Variants in LMCD1 observed in about 807,000 individuals in gnomAD.
LMCD1 encodes LIM and cysteine rich domains 1, also known as LIM and cysteine-rich domains protein 1.
A neutral mutation model predicts 42.7 loss-of-function variants in LMCD1; 32 were observed. The observed-to-expected ratio is 0.75, with a 90% CI of 0.57 to 1.01. LMCD1 has a LOEUF of 1.01. LMCD1 is among the 50% of genes least tolerant of loss of function. The pLI is 0.00. For missense variants in LMCD1, 458 were observed against 483.1 expected (o/e 0.95, Z 0.49); for synonymous variants, 178 against 184.9 (o/e 0.96, Z 0.30).
At chr3:8,542,654 T>C (rs917571943) in intron 3 of LMCD1, among the ~76,000 whole-genome samples, 17 of 152,316 alleles carry the variant, frequency 1.1e-4, no homozygotes, top group African/African-American at 3.6e-4. Context: ...CCTCCAGAGA[T>C]TGGGGAATAT....
intron 1 of LMCD1, among the ~76,000 whole-genome samples, chr3:8,519,141 G>A (rs1694153668): frequency 6.6e-6 from 1 of 152,192 alleles, no homozygotes; most frequent in South Asian, 2.1e-4. Context: ...GGAGCTTACA[G>A]TCTAGCAGGA....
rs1212418275 is a variant in LMCD1 at position 8,572,129 on chromosome 3, G to A, written c.*4531G>A. On this transcript the variant is annotated 3_prime_UTR_variant, in exon 6 of 6. Coordinates refer to ENST00000157600, the MANE Select transcript of LMCD1 (RefSeq NM_014583.4). ...TCTTTGTTCTTTCCTGAATGTTCAT[G>A]ACCTTGACATCTTAGAAGATTAAAG... The A allele has an allele frequency of 6.6e-6, 1 of 152,206 alleles. No individual in the cohort carries two copies. The highest frequency in any genetic ancestry group is 1.9e-4 in the East Asian group (1 of 5,202). The allele number at this position is 152,206 out of a possible 1,614,324, so 9.4% of individuals were successfully genotyped here. A position where few individuals can be genotyped will look rare whatever the true frequency, so the allele number is the denominator to read the frequency against.
rs907348921 is a variant in LMCD1 at position 8,573,760 on chromosome 3, T to C, written c.*6162T>C. The C allele has an allele frequency of 6.6e-6, 1 of 152,176 alleles. No homozygotes were observed. The highest frequency in any genetic ancestry group is 2.4e-5 in the African/African-American group (1 of 41,438). The allele number at this position is 152,176 out of a possible 1,614,324, so 9.4% of individuals were successfully genotyped here. A position where few individuals can be genotyped will look rare whatever the true frequency, so the allele number is the denominator to read the frequency against. On this transcript the variant is annotated 3_prime_UTR_variant, in exon 6 of 6. Transcript: ENST00000157600. ...CATAAAGTGTTCCTTTGTTCTGACG[T>C]TGGTATAACATTGCTTCTTGAAAAA...
At chr3:8,528,856 G>C (rs1356057894) in intron 1 of LMCD1, among the ~76,000 whole-genome samples, 3 of 152,116 alleles carry the variant, frequency 2.0e-5, no homozygotes, top group African/African-American at 7.2e-5. Context: ...GCATCCCCAG[G>C]GGTCTCCTGG....
intron 4 of LMCD1, among the ~76,000 whole-genome samples, chr3:8,562,647 G>T (rs1345998558): frequency 6.6e-6 from 1 of 152,150 alleles, no homozygotes; most frequent in Non-Finnish European, 1.5e-5. Context: ...CCTCAGAGAG[G>T]CCTCTCCTGC....
chr3:8,540,786 G>A (rs13323921), intron 3 of LMCD1, among the ~76,000 whole-genome samples: 53,657 of 152,044 alleles, frequency 0.35, 10,268 homozygotes, highest in Non-Finnish European at 0.45. Flanking sequence ...ACACCTCACC[G>A]CGCCCTATGT....
chr3:8,527,729 A>C (rs1694326693), intron 1 of LMCD1, among the ~76,000 whole-genome samples: 1 of 152,246 alleles, frequency 6.6e-6, no homozygotes, highest in Non-Finnish European at 1.5e-5. Context: ...CTCAGAAAGG[A>C]AACCTGTGAG....
At chr3:8,541,671 C>T (rs746097367) in intron 3 of LMCD1, among the ~76,000 whole-genome samples, 3 of 152,196 alleles carry the variant, frequency 2.0e-5, no homozygotes, top group Non-Finnish European at 4.4e-5. Context: ...GCTCCTATGA[C>T]GTAGTCAGGT....
At chr3:8,529,946 A>G (rs529945035) in intron 1 of LMCD1, among the ~76,000 whole-genome samples, 2 of 152,326 alleles carry the variant, frequency 1.3e-5, no homozygotes, top group East Asian at 3.9e-4. Flanking sequence ...GGCAAGTTGC[A>G]TTCTTGTTAT....
chr3:8,572,903 T>C lies in LMCD1; in HGVS notation c.*5305T>C, dbSNP rs903279941. 1 of 152,178 alleles carries C rather than the reference T, an allele frequency of 6.6e-6. No homozygotes were observed. The highest frequency in any genetic ancestry group is 2.4e-5 in the African/African-American group (1 of 41,440). 9.4% of individuals were successfully genotyped at this position (152,178 alleles called of 1,614,324 possible). On this transcript the variant is annotated 3_prime_UTR_variant, in exon 6 of 6. Coordinates refer to ENST00000157600, the MANE Select transcript of LMCD1 (RefSeq NM_014583.4). Reference sequence around the variant, plus strand: ...TTCCTTCTTAATCTGGCTGTTGTTGTGTTGGAACTCCTGGTACCATCTTAG... The same window carrying C: ...TTCCTTCTTAATCTGGCTGTTGTTGCGTTGGAACTCCTGGTACCATCTTAG...
chr3:8,534,121 C>T (rs1326852386), intron 2 of LMCD1, among the ~76,000 whole-genome samples: 1 of 151,878 alleles, frequency 6.6e-6, no homozygotes, highest in Non-Finnish European at 1.5e-5. Flanking sequence ...CTCAGGACAG[C>T]GTTGATTCCT....
At position 8,568,553 on chromosome 3, in the gene LMCD1, CA is replaced by C. The variant is rs993469155; in HGVS notation, c.*958del. The C allele has an allele frequency of 6.6e-6, 1 of 152,152 alleles. No homozygotes were observed. The highest frequency in any genetic ancestry group is 2.4e-5 in the African/African-American group (1 of 41,442). 9.4% of individuals were successfully genotyped at this position (152,152 alleles called of 1,614,324 possible). A position where few individuals can be genotyped will look rare whatever the true frequency, so the allele number is the denominator to read the frequency against. On this transcript the variant is annotated 3_prime_UTR_variant, in exon 6 of 6. Coordinates refer to ENST00000157600, the MANE Select transcript of LMCD1 (RefSeq NM_014583.4). ...GATCTTTAAAAATACAGCACTTTTTCAAATGCCAAAACAATCAGAAACAAAA... is the reference window on the plus strand; with the variant it reads ...GATCTTTAAAAATACAGCACTTTTTCAATGCCAAAACAATCAGAAACAAAA...
intron 4 of LMCD1, among the ~76,000 whole-genome samples, chr3:8,549,487 G>A (rs1449012363): frequency 6.6e-6 from 1 of 152,084 alleles, no homozygotes; most frequent in African/African-American, 2.4e-5. Flanking sequence ...TGTATTAGCT[G>A]CACTGCCCCA....
At chr3:8,553,377 A>G (rs3774216) in intron 4 of LMCD1, among the ~76,000 whole-genome samples, 5 of 152,042 alleles carry the variant, frequency 3.3e-5, no homozygotes, top group Admixed American at 2.6e-4. Flanking sequence ...CATTGGAAAA[A>G]AATGTCCACA....
chr3:8,508,932 G>A (rs1321842922), intron 1 of LMCD1, among the ~76,000 whole-genome samples: 1 of 152,148 alleles, frequency 6.6e-6, no homozygotes, highest in Non-Finnish European at 1.5e-5. Context: ...TCGAGGAGCC[G>A]TTAAACACAC....
rs1172199746 is a variant in LMCD1, at chr3:8,574,350, G to GA, written c.*6754dup. 2 of 152,312 alleles carry GA rather than the reference G, an allele frequency of 1.3e-5. No homozygotes were observed. Among genetic ancestry groups the GA allele is most frequent in the East Asian group, 3.9e-4 (2 of 5,190 alleles). The allele number at this position is 152,312 out of a possible 1,614,324, so 9.4% of individuals were successfully genotyped here. On this transcript the variant is annotated 3_prime_UTR_variant, in exon 6 of 6. Coordinates refer to ENST00000157600, the MANE Select transcript of LMCD1 (RefSeq NM_014583.4). ...AAAGACAGCCACACCCAAATCTCAT[G>GA]AAGCAGTCCCCTTTATTTTAAAAAA...
intron 3 of LMCD1, among the ~76,000 whole-genome samples, chr3:8,540,511 GACA>G (rs1694603316): frequency 6.6e-6 from 1 of 152,224 alleles, no homozygotes; most frequent in Non-Finnish European, 1.5e-5. Context: ...CGATGTAAGT[GACA>G]GAGCCAGGTC....
In LMCD1 at chr3:8,569,213, A is replaced by G. The variant is rs1276344327; in HGVS notation, c.*1615A>G. ...GAGCCCTTTATTTCCCTAGATTTCT[A>G]GTTCCCTATTTCTTCCTAAGCATGC... On this transcript the variant is annotated 3_prime_UTR_variant, in exon 6 of 6. Coordinates refer to ENST00000157600, the MANE Select transcript of LMCD1 (RefSeq NM_014583.4). The G allele has an allele frequency of 1.3e-5, 2 of 152,162 alleles. No individual in the cohort carries two copies. Among genetic ancestry groups the G allele is most frequent in the Non-Finnish European group, 2.9e-5 (2 of 68,036 alleles). The allele number at this position is 152,162 out of a possible 1,614,324, so 9.4% of individuals were successfully genotyped here.
At chr3:8,539,063 C>T (rs1395701425) in intron 3 of LMCD1, among the ~76,000 whole-genome samples, 1 of 152,222 alleles carries the variant, frequency 6.6e-6, no homozygotes, top group Admixed American at 6.5e-5. Flanking sequence ...CAGAATTCCA[C>T]TGTGGTAAGA....
Sources: gnomAD v4.1 joint callset for allele counts (sites outside exome capture counted in the v4.1 genomes callset) on GRCh38, gnomAD v4.1.1 for gene constraint, MANE v1.5 for transcripts, NCBI Gene and HGNC (gene_info 2026-07-23, HGNC 2026-07-21) for gene names.